Variants in NRK observed in about 807,000 individuals in gnomAD.
NRK encodes the protein nik-related protein kinase.
A neutral mutation model predicts 125.2 loss-of-function variants in NRK; 67 were observed. The ratio of observed to expected loss-of-function variants is 0.54; its 90% CI spans 0.44 to 0.66. The LOEUF is 0.66. Among genes scored for constraint, NRK ranks in the 30% least tolerant of loss-of-function variants. The pLI is 0.00. For synonymous variants in NRK, 458 were observed against 429.0 expected (o/e 1.07, Z -0.84); for missense variants, 1,224 against 1,192.9 (o/e 1.03, Z -0.38).
rs889985716 is a variant in NRK at position 105,917,173 on chromosome X, T to A, written c.2418-405T>A. ...TAATTTCAAGCATTTAAAATCTGGA[T>A]AATAACAATAGAATATATGACATAA... On this transcript the variant is annotated intron_variant, in intron 15 of 28. Transcript: ENST00000243300. 1.1e-4 allele frequency among the ~76,000 whole-genome samples: 12 copies of A among 111,234 alleles called. 1 individual carries two copies. The highest frequency in any genetic ancestry group is 7.7e-4 in the Admixed American group (8 of 10,399).
intron 2 of NRK, among the ~76,000 whole-genome samples, chrX:105,866,940 A>G (rs5962593): frequency 0.19 from 21,255 of 110,214 alleles, 1,548 homozygotes; most frequent in Middle Eastern, 0.31. Context: ...TAGATTTTCT[A>G]TCACACACTT....
intron 2 of NRK, among the ~76,000 whole-genome samples, 153 bp downstream of exon 2, chrX:105,831,272 C>G (rs1001823413): frequency 7.1e-5 from 8 of 112,142 alleles, no homozygotes; most frequent in African/African-American, 2.6e-4. Context: ...GTAAGAATTA[C>G]TGTTTATTAT....
chrX:105,905,311 G>A lies in NRK; in HGVS notation c.813G>A (p.Arg271=), dbSNP rs2040206483. Residue 271 remains arginine (R), a synonymous_variant, in exon 10 of 29, where the codon CGG becomes CGA. Coordinates refer to ENST00000243300, the MANE Select transcript of NRK (RefSeq NM_198465.4). ...QPLEALFVIL[R]ESAPTVKSSG... is the part of the protein sequence containing the mutation. ...TGGAAGCTCTCTTCGTTATTTTGCG[G>A]GAATCTGCTCCCACAGTCAAATCCA... is the stretch of plus-strand genomic sequence containing the variant. The A allele has an allele frequency of 1.7e-6, 2 of 1,204,621 alleles. No homozygotes were observed. The highest frequency in any genetic ancestry group is 2.2e-6 in the Non-Finnish European group (2 of 889,845).
intron 13 of NRK, 56 bp downstream of exon 13, chrX:105,909,938 C>T: frequency 1.0e-6 from 1 of 989,126 alleles, no homozygotes; most frequent in Non-Finnish European, 1.3e-6. Context: ...AATGTGATAG[C>T]TCATGCGGAT....
At chrX:105,849,780 C>T (rs62605025) in intron 2 of NRK, among the ~76,000 whole-genome samples, 22,515 of 111,538 alleles carry the variant, frequency 0.2, 1,658 homozygotes, top group Middle Eastern at 0.31. Context: ...TGATGCAAGA[C>T]GTGGGTTCCC....
chrX:105,875,869 G>T (rs1357961888), intron 2 of NRK, among the ~76,000 whole-genome samples: 3 of 110,928 alleles, frequency 2.7e-5, no homozygotes, highest in Non-Finnish European at 3.8e-5. Context: ...TTAAGCAGCA[G>T]TTGCTTTTAC....
intron 19 of NRK, among the ~76,000 whole-genome samples, chrX:105,930,826 TATAC>T (rs775200216): frequency 9.0e-6 from 1 of 111,706 alleles, no homozygotes; most frequent in South Asian, 3.8e-4. Flanking sequence ...TATGCTGTAA[TATAC>T]ATTAGCAACG....
intron 2 of NRK, among the ~76,000 whole-genome samples, chrX:105,871,119 G>A (rs961031549): frequency 9.8e-5 from 11 of 111,681 alleles, no homozygotes; most frequent in African/African-American, 3.6e-4. Context: ...CAGGTTAGGG[G>A]AAGCATGGAT....
intron 2 of NRK, among the ~76,000 whole-genome samples, chrX:105,867,898 G>A (rs980132017): frequency 1.8e-5 from 2 of 111,518 alleles, no homozygotes; most frequent in Non-Finnish European, 3.8e-5. Flanking sequence ...ACCTGGATTT[G>A]TGAAACATTT....
chrX:105,949,782 A>C (rs770215049), intron 27 of NRK, 48 bp downstream of exon 27: 1 of 845,331 alleles, frequency 1.2e-6, no homozygotes, highest in Admixed American at 3.5e-5. Flanking sequence ...GAAAATTTAC[A>C]AGGGTAAAAA....
Position 105,937,461 on chromosome X carries a change from C to G in NRK, c.3678C>G (p.Thr1226=). The stretch of plus-strand genomic sequence containing the variant: ...CAGGAGTCAATTTGCTGTTGGGAAC[C>G]CGATCTAATCTATATCTGATGGACA... ...SLWGVNLLLG[T]RSNLYLMDRS... is the part of the protein sequence containing the mutation. Residue 1226 remains threonine, a synonymous_variant, in exon 22 of 29, where the codon ACC becomes ACG. Coordinates refer to ENST00000243300, the MANE Select transcript of NRK (RefSeq NM_198465.4). 1 of 1,184,924 alleles carries G rather than the reference C, an allele frequency of 8.4e-7. No individual in the cohort carries two copies. Among genetic ancestry groups the G allele is most frequent in the Non-Finnish European group, 1.1e-6 (1 of 877,012 alleles).
chrX:105,934,247 A>T lies in NRK; in HGVS notation c.3313-11A>T. 8.9e-7 allele frequency: 1 copy of T among 1,128,258 alleles called. No individual in the cohort carries two copies. 93.0% of individuals were successfully genotyped at this position (1,128,258 alleles called of 1,213,427 possible). A position where few individuals can be genotyped will look rare whatever the true frequency, so the allele number is the denominator to read the frequency against. ...TAATGAAATAAAAATTGGTTTTTGG[A>T]CTTCTTTTAGGAGCCAGGTGGTGGA... On this transcript the variant is annotated splice_polypyrimidine_tract_variant and intron_variant, in intron 19 of 28. Transcript: ENST00000243300.
At chrX:105,832,088 C>T (rs765332807) in intron 2 of NRK, among the ~76,000 whole-genome samples, 8 of 111,336 alleles carry the variant, frequency 7.2e-5, no homozygotes, top group Non-Finnish European at 7.5e-5. Flanking sequence ...ACCAGTCCCC[C>T]ACAGATACTG....
chrX:105,845,738 G>C (rs1023390433), intron 2 of NRK, among the ~76,000 whole-genome samples: 5 of 111,478 alleles, frequency 4.5e-5, no homozygotes, highest in African/African-American at 1.6e-4. Flanking sequence ...GCCTATCTAA[G>C]AAGCTGCCAA....
chrX:105,880,126 T>C (rs1365294165), intron 2 of NRK, 73 bp from the exon 3 acceptor site: 3 of 435,020 alleles, frequency 6.9e-6, no homozygotes, highest in Non-Finnish European at 1.1e-5. Context: ...TTTAATATTT[T>C]CTACTTTAAT....
At chrX:105,901,521 G>T (rs746281345) in intron 9 of NRK, among the ~76,000 whole-genome samples, 40 of 111,490 alleles carry the variant, frequency 3.6e-4, no homozygotes, top group African/African-American at 1.3e-3. Context: ...AGATCCTATA[G>T]GTTCCCATGT....
intron 2 of NRK, among the ~76,000 whole-genome samples, chrX:105,843,658 C>A (rs1429436056): frequency 9.0e-6 from 1 of 111,338 alleles, no homozygotes; most frequent in Non-Finnish European, 1.9e-5. Flanking sequence ...TCTCTGGGTA[C>A]TGTAGTTTGC....
In NRK at chrX:105,946,444, G is replaced by C; in HGVS notation, c.4333G>C (p.Asp1445His). The change falls in exon 26 of 29, where the codon GAT becomes CAT. Residue 1445 changes from aspartate to histidine, a missense_variant. Coordinates refer to ENST00000243300, the MANE Select transcript of NRK (RefSeq NM_198465.4). ...LIDAESEVMS[D>H]VTLPKNPLEI... ...CGATGCAGAATCTGAGGTTATGTCT[G>C]ATGTGACCCTGCCAAAGAATGTAAG... 1.7e-6 allele frequency: 2 copies of C among 1,187,699 alleles called. No individual in the cohort carries two copies. The highest frequency in any genetic ancestry group is 2.3e-6 in the Non-Finnish European group (2 of 878,163).
intron 16 of NRK, among the ~76,000 whole-genome samples, chrX:105,918,010 A>G (rs890814567): frequency 9.9e-5 from 11 of 111,111 alleles, no homozygotes; most frequent in Non-Finnish European, 1.7e-4. Flanking sequence ...CCAGCAGGCT[A>G]AAATTTATAG....
Sources: gnomAD v4.1 joint callset for allele counts (sites outside exome capture counted in the v4.1 genomes callset) on GRCh38, gnomAD v4.1.1 for gene constraint, MANE v1.5 for transcripts, NCBI Gene and HGNC (gene_info 2026-07-23, HGNC 2026-07-21) for gene names.